CCDC154: variants seen among roughly 807,000 people sequenced by gnomAD.
The protein encoded by CCDC154 is coiled-coil domain-containing protein 154.
In CCDC154, 91 loss-of-function variants were observed where a neutral mutation model predicts 87.5. The observed-to-expected ratio is 1.04, with a 90% CI of 0.88 to 1.24. The LOEUF (loss-of-function observed/expected upper bound fraction) is 1.24. CCDC154 is among the 50% of genes most tolerant of loss of function. The pLI, the probability that CCDC154 is intolerant of heterozygous loss-of-function variation, is 0.00. For synonymous variants in CCDC154, 418 were observed against 400.4 expected (o/e 1.04, Z -0.52); for missense variants, 903 against 879.2 (o/e 1.03, Z -0.34).
chr16:1,437,749 T>C, intron 11 of CCDC154, 68 bp downstream of exon 11: 1 of 1,464,766 alleles, frequency 6.8e-7, no homozygotes, highest in Non-Finnish European at 9.1e-7. Context: ...GGGGCAGTGG[T>C]GGGCTGAGAG....
chr16:1,438,377 A>T, intron 9 of CCDC154: 1 of 774,408 alleles, frequency 1.3e-6, no homozygotes, highest in Non-Finnish European at 2.0e-6. Context: ...ACGGCCACCA[A>T]GACAGGGGTT....
chr16:1,439,022 C>G lies in CCDC154; in HGVS notation c.777+3G>C, dbSNP rs2038527956. The G allele has an allele frequency of 1.3e-6, 2 of 1,550,108 alleles. No homozygotes were observed. The highest frequency in any genetic ancestry group is 3.9e-5 in the Admixed American group (2 of 50,986). ...GGCAGGCCAGCCGCGGGCAGGCTCC[C>G]ACCTTCTCCAGGGCCAGGAAGCTCT... On this transcript the variant is annotated splice_donor_region_variant and intron_variant, in intron 7 of 16. Transcript: ENST00000389176.
Position 1,443,915 on chromosome 16 carries a change from G to C in CCDC154, c.105C>G (p.Ala35=). ...CCTCCAGGCTCAAGGGCTCGGGGCT[G>C]GCCAGGCCTCCTGCCAGGAGGAGCC... The part of the protein sequence containing the change: ...DLGLLLAGGL[A]SPEPLSLEEL... The change falls in exon 2 of 17, where the codon GCC becomes GCG. Residue 35 remains alanine, a synonymous_variant. Coordinates refer to ENST00000389176, the MANE Select transcript of CCDC154 (RefSeq NM_001143980.3). The C allele has an allele frequency of 1.5e-6, 2 of 1,304,082 alleles. No homozygotes were observed. Among genetic ancestry groups the C allele is most frequent in the Non-Finnish European group, 1.0e-6 (1 of 988,958 alleles). 80.8% of individuals were successfully genotyped at this position (1,304,082 alleles called of 1,614,324 possible). A position where few individuals can be genotyped will look rare whatever the true frequency, so the allele number is the denominator to read the frequency against.
rs1185319335 is a variant in CCDC154, at chr16:1,438,697, G to A, written c.947C>T (p.Ala316Val). 1.3e-6 allele frequency: 2 copies of A among 1,549,952 alleles called. No homozygotes were observed. Among genetic ancestry groups the A allele is most frequent in the Middle Eastern group, 1.7e-4 (1 of 6,008 alleles). Residue 316 changes from alanine (A) to valine (V), a missense_variant, in exon 9 of 17, where the codon GCC becomes GTC. Coordinates refer to ENST00000389176, the MANE Select transcript of CCDC154 (RefSeq NM_001143980.3). ...CACAAACTTGGTCAGCTGGGCCACGGCAGCATCCAGGCCCTGGCACTGCTC... is the reference window on the plus strand; with the variant it reads ...CACAAACTTGGTCAGCTGGGCCACGACAGCATCCAGGCCCTGGCACTGCTC... ...LLEQCQGLDA[A>V]VAQLTKFVQQ... is the part of the protein sequence containing the mutation.
In CCDC154 at chr16:1,438,326, GGTTCACTCCCCATGGCCACCAAGATGGGC is replaced by G. The variant is rs1170344527; in HGVS notation, c.1026-179_1026-151del. The G allele has an allele frequency of 8.7e-5, 88 of 1,013,958 alleles. No individual in the cohort carries two copies. The African/African-American group carries it at 1.3e-3, about 15-fold the overall frequency. 62.8% of individuals were successfully genotyped at this position (1,013,958 alleles called of 1,614,324 possible). On this transcript the variant is annotated intron_variant, in intron 9 of 16. Transcript: ENST00000389176. ...GTGCGGTCACAGTGCCACCAACACGGGTTCACTCCCCATGGCCACCAAGATGGGCGTTCACTCCCCACGGCCACCAAGAC... is the reference window on the plus strand; with the variant it reads ...GTGCGGTCACAGTGCCACCAACACGGGTTCACTCCCCACGGCCACCAAGAC...
intron 5 of CCDC154, 22 bp from the exon 6 acceptor site, chr16:1,442,551 A>G: frequency 7.3e-6 from 11 of 1,511,240 alleles, no homozygotes; most frequent in South Asian, 1.3e-5. Context: ...GGCTGTGGTC[A>G]CACCAGCCCA....
intron 6 of CCDC154, chr16:1,439,398 TG>T: frequency 2.1e-6 from 1 of 476,256 alleles, no homozygotes; most frequent in South Asian, 3.0e-5. Flanking sequence ...CCACCGAGGC[TG>T]CCCAGGGAAG....
chr16:1,439,763 G>A (rs183255580), intron 6 of CCDC154, among the ~76,000 whole-genome samples: 4 of 152,292 alleles, frequency 2.6e-5, no homozygotes, highest in African/African-American at 7.2e-5. Context: ...CCCACCTCAT[G>A]GGATCTCTGT....
intron 11 of CCDC154, chr16:1,437,523 G>A: frequency 2.5e-6 from 1 of 404,852 alleles, no homozygotes; most frequent in Non-Finnish European, 4.4e-6. Context: ...GAGGGGTGGA[G>A]GCCGCTTGTC....
chr16:1,438,665 TCTG>T lies in CCDC154; in HGVS notation c.976_978del (p.Gln326del). ...AGGACACGGTTCAGCGACGCCTGGT[TCTG>T]CTGCACAAACTTGGTCAGCTGGGCC... On this transcript the variant is annotated inframe_deletion, in exon 9 of 17. Transcript: ENST00000389176. 6.5e-7 allele frequency: 1 copy of T among 1,550,130 alleles called. No individual in the cohort carries two copies. Among genetic ancestry groups the T allele is most frequent in the Non-Finnish European group, 8.7e-7 (1 of 1,146,802 alleles).
chr16:1,439,399 G>GCCCAGGGAAGGCCC, intron 6 of CCDC154: 1 of 478,418 alleles, frequency 2.1e-6, no homozygotes. Flanking sequence ...CACCGAGGCT[G>GCCCAGGGAAGGCCC]CCCAGGGAAG....
At position 1,438,802 on chromosome 16, in the gene CCDC154, C is replaced by T. The variant is rs572066006; in HGVS notation, c.906+13G>A. The T allele has an allele frequency of 1.5e-5, 23 of 1,540,230 alleles. No individual in the cohort carries two copies. In the East Asian group the frequency reaches 2.0e-4, roughly 13 times the overall value. ...GCCCCGGCCCCACCTGCCCGCCGCCCGCCCGGCCCCACCTCATGCTGCCCC... is the reference window on the plus strand; with the variant it reads ...GCCCCGGCCCCACCTGCCCGCCGCCTGCCCGGCCCCACCTCATGCTGCCCC... On this transcript the variant is annotated intron_variant, in intron 8 of 16. Transcript: ENST00000389176.
chr16:1,442,330 T>C (rs1177510488), intron 6 of CCDC154, 76 bp downstream of exon 6: 2 of 1,434,072 alleles, frequency 1.4e-6, no homozygotes, highest in East Asian at 2.6e-5. Context: ...CTGTATCGGA[T>C]GGCACAGGCC....
intron 1 of CCDC154, 68 bp from the exon 2 acceptor site, chr16:1,444,080 G>A (rs935298519): frequency 8.3e-7 from 1 of 1,203,016 alleles, no homozygotes; most frequent in Non-Finnish European, 1.1e-6. Context: ...CGGGAACAAG[G>A]CCCCAAACCC....
rs2038488922 is a variant in CCDC154 at position 1,435,084 on chromosome 16, C to T, written c.1692+5G>A. 3.2e-6 allele frequency: 5 copies of T among 1,548,950 alleles called. No homozygotes were observed. The highest frequency in any genetic ancestry group is 4.4e-6 in the Non-Finnish European group (5 of 1,146,604). ...GGCGGTGCCGGCCGGGCAAGGCCTC[C>T]TCACCAGCCGGGCCTCAGTGTTGAA... On this transcript the variant is annotated splice_donor_5th_base_variant and intron_variant, in intron 15 of 16. Transcript: ENST00000389176.
At chr16:1,442,205 C>T (rs116494746) in intron 6 of CCDC154, among the ~76,000 whole-genome samples, 137 of 152,354 alleles carry the variant, frequency 9.0e-4, no homozygotes, top group African/African-American at 2.9e-3. Context: ...CGTGAGCCAC[C>T]GTGCCCAAAC....
At chr16:1,441,001 C>G (rs938673832) in intron 6 of CCDC154, among the ~76,000 whole-genome samples, 1 of 151,340 alleles carries the variant, frequency 6.6e-6, no homozygotes, top group East Asian at 1.9e-4. Context: ...CGCCCGCAGT[C>G]ACAGCTACTG....
In CCDC154 at chr16:1,443,925, C is replaced by T. The variant is rs1027416593; in HGVS notation, c.95G>A (p.Gly32Glu). Residue 32 changes from glycine to glutamate, a missense_variant, in exon 2 of 17, where the codon GGA (glycine) becomes GAA (glutamate). Gly to Glu is a moderately conservative substitution (Grantham distance 98). Coordinates refer to ENST00000389176, the MANE Select transcript of CCDC154 (RefSeq NM_001143980.3). ...CAAGGGCTCGGGGCTGGCCAGGCCT[C>T]CTGCCAGGAGGAGCCCCAGGTCTTC... Reference protein sequence around the residue: ...TLEDLGLLLAGGLASPEPLSL... With the variant: ...TLEDLGLLLAEGLASPEPLSL... 5.4e-5 allele frequency: 71 copies of T among 1,303,910 alleles called. No homozygotes were observed. Among genetic ancestry groups the T allele is most frequent in the South Asian group, 9.9e-5 (8 of 81,040 alleles). The allele number at this position is 1,303,910 out of a possible 1,614,324, so 80.8% of individuals were successfully genotyped here.
rs1463673340 is a variant in CCDC154 at position 1,443,669 on chromosome 16, G to T, written c.251C>A (p.Ala84Asp). 1.5e-6 allele frequency: 2 copies of T among 1,296,496 alleles called. No homozygotes were observed. Among genetic ancestry groups the T allele is most frequent in the South Asian group, 1.3e-5 (1 of 74,828 alleles). The allele number at this position is 1,296,496 out of a possible 1,614,324, so 80.3% of individuals were successfully genotyped here. ...QWVVELQAEV[A>D]CLREHKQRCE... ...GCGCTGCTTGTGCTCCCGCAGGCAGGCCACCTCGGCCTGCAGCTCCACCAC... is the reference window on the plus strand; with the variant it reads ...GCGCTGCTTGTGCTCCCGCAGGCAGTCCACCTCGGCCTGCAGCTCCACCAC... The change falls in exon 3 of 17, where the codon GCC (alanine) becomes GAC (aspartate). Residue 84 changes from alanine (A) to aspartate (D), a missense_variant. Coordinates refer to ENST00000389176, the MANE Select transcript of CCDC154 (RefSeq NM_001143980.3).
Sources: gnomAD v4.1 joint callset for allele counts (sites outside exome capture counted in the v4.1 genomes callset) on GRCh38, gnomAD v4.1.1 for gene constraint, MANE v1.5 for transcripts, NCBI Gene and HGNC (gene_info 2026-07-23, HGNC 2026-07-21) for gene names.